The following BRINP2 variants were observed in gnomAD, a reference collection of about 807,000 sequenced individuals.
BRINP2 encodes the protein BMP/retinoic acid-inducible neural-specific protein 2.
In BRINP2, 21 loss-of-function variants were observed where a neutral mutation model predicts 69.2. That is an observed-to-expected ratio of 0.30 (90% CI 0.22 to 0.44). The LOEUF (loss-of-function observed/expected upper bound fraction) is 0.44. BRINP2 is among the 20% of genes least tolerant of loss of function. The pLI is 1.00. For synonymous variants in BRINP2, 380 were observed against 394.1 expected, an observed-to-expected ratio of 0.96 and a Z score of 0.42; for missense variants, 877 against 986.0, an observed-to-expected ratio of 0.89 and a Z score of 1.48.
At chr1:177,212,524 G>A (rs910433302) in intron 1 of BRINP2, among the ~76,000 whole-genome samples, 11 of 151,096 alleles carry the variant, frequency 7.3e-5, no homozygotes, top group Admixed American at 3.3e-4. Flanking sequence ...CAGCCTGGGC[G>A]ACAGAGCAAG....
chr1:177,260,723 T>A (rs1650919038), intron 4 of BRINP2, among the ~76,000 whole-genome samples: 1 of 152,224 alleles, frequency 6.6e-6, no homozygotes, highest in African/African-American at 2.4e-5. Flanking sequence ...TAGCATTTTC[T>A]AGCAATAACA....
chr1:177,263,188 A>G (rs1651012854), intron 4 of BRINP2, among the ~76,000 whole-genome samples: 1 of 152,226 alleles, frequency 6.6e-6, no homozygotes, highest in South Asian at 2.1e-4. Flanking sequence ...AGGTTTGACA[A>G]TTCATTAGGG....
At chr1:177,247,532 A>T (rs1650423418) in intron 2 of BRINP2, among the ~76,000 whole-genome samples, 1 of 152,236 alleles carries the variant, frequency 6.6e-6, no homozygotes, top group Admixed American at 6.5e-5. Context: ...TCCTCTGTTT[A>T]TCTTCATTTT....
intron 4 of BRINP2, among the ~76,000 whole-genome samples, chr1:177,264,461 A>G (rs1423337552): frequency 1.3e-5 from 2 of 152,340 alleles, no homozygotes; most frequent in East Asian, 3.9e-4. Context: ...TGGCCAGGGC[A>G]ATAAGGCAAG....
At chr1:177,232,755 C>G (rs1649901772) in intron 2 of BRINP2, among the ~76,000 whole-genome samples, 1 of 151,530 alleles carries the variant, frequency 6.6e-6, no homozygotes, top group South Asian at 2.1e-4. Flanking sequence ...TCAAATTTCT[C>G]TCCTATAATC....
At chr1:177,204,046 T>C (rs1413797502) in intron 1 of BRINP2, among the ~76,000 whole-genome samples, 1 of 152,206 alleles carries the variant, frequency 6.6e-6, no homozygotes, top group African/African-American at 2.4e-5. Flanking sequence ...ACCAGATCCC[T>C]AGCTTTTTAA....
intron 1 of BRINP2, among the ~76,000 whole-genome samples, chr1:177,195,659 TG>T (rs917506145): frequency 9.3e-5 from 14 of 150,630 alleles, no homozygotes; most frequent in African/African-American, 2.2e-4. Flanking sequence ...CGCTGGCAAG[TG>T]GGGGGGGAAT....
chr1:177,230,073 A>C lies in BRINP2; in HGVS notation c.197A>C (p.His66Pro). ...DWLLTDRGPF[H>P]RAQEYADFME... The stretch of plus-strand genomic sequence containing the variant: ...CTGCTCACAGACCGGGGCCCCTTCC[A>C]CCGCGCTCAGGAGTATGCTGACTTC... Residue 66 changes from histidine (H) to proline (P), a missense_variant, in exon 2 of 8, where the codon CAC becomes CCC. By Grantham distance (77) the His-to-Pro change is moderately conservative. Around this residue, in one of 3 missense-constraint regions of BRINP2, gnomAD observed 566 missense variants for 625.2 expected, o/e 0.91. Coordinates refer to ENST00000361539, the MANE Select transcript of BRINP2 (RefSeq NM_021165.4). 6.2e-7 allele frequency: 1 copy of C among 1,613,788 alleles called. No homozygotes were observed. Among genetic ancestry groups the C allele is most frequent in the South Asian group, 1.1e-5 (1 of 91,054 alleles).
intron 2 of BRINP2, among the ~76,000 whole-genome samples, chr1:177,252,530 T>C (rs1183845916): frequency 1.3e-5 from 2 of 152,166 alleles, no homozygotes; most frequent in Non-Finnish European, 2.9e-5. Flanking sequence ...CAAATCAGGG[T>C]AGTTAGCATA....
At chr1:177,191,420 G>T (rs1298433273) in intron 1 of BRINP2, among the ~76,000 whole-genome samples, 1 of 152,056 alleles carries the variant, frequency 6.6e-6, no homozygotes, top group Non-Finnish European at 1.5e-5. Flanking sequence ...TGGCCTGGCA[G>T]TCCCTCCCTC....
rs75699111 is a variant in BRINP2 at position 177,247,229 on chromosome 1, T to G, written c.270-8690T>G. On this transcript the variant is annotated intron_variant, in intron 2 of 7. Coordinates refer to ENST00000361539, the MANE Select transcript of BRINP2 (RefSeq NM_021165.4). ...AAGACTTCCTGTGTCTGAAATTCTT[T>G]AGGAAAATCAGCAGTGTGAAACTCA... Among the ~76,000 whole-genome samples the G allele has an allele frequency of 7.5e-4, 114 of 152,360 alleles. 5 individuals are homozygous for G. The East Asian group carries it at 0.017, about 22-fold the overall frequency.
intron 1 of BRINP2, among the ~76,000 whole-genome samples, chr1:177,224,341 T>C (rs753356559): frequency 6.6e-6 from 1 of 152,232 alleles, no homozygotes; most frequent in Non-Finnish European, 1.5e-5. Flanking sequence ...AGGCAAAAAT[T>C]CCTGCTTTAT....
intron 1 of BRINP2, among the ~76,000 whole-genome samples, chr1:177,175,115 C>T (rs564217420): frequency 1.3e-5 from 2 of 152,284 alleles, no homozygotes; most frequent in South Asian, 4.1e-4. Context: ...CTGGGGTTTT[C>T]TTAGAGCTGG....
chr1:177,174,644 G>C (rs1010937129), intron 1 of BRINP2, among the ~76,000 whole-genome samples: 48 of 152,176 alleles, frequency 3.2e-4, no homozygotes, highest in Admixed American at 3.1e-3. Flanking sequence ...TGAGGGAAAG[G>C]GTTCTAGCTG....
In BRINP2 at chr1:177,281,046, T is replaced by A. The variant is rs758546554; in HGVS notation, c.1870T>A (p.Cys624Ser). 1 of 1,614,218 alleles carries A rather than the reference T, an allele frequency of 6.2e-7. No individual in the cohort carries two copies. The highest frequency in any genetic ancestry group is 8.5e-7 in the Non-Finnish European group (1 of 1,180,040). Residue 624 changes from cysteine (C) to serine (S), a missense_variant, in exon 8 of 8, where the codon TGC (cysteine) becomes AGC (serine). Physicochemically the swap from Cys to Ser is moderately radical, Grantham distance 112. Transcript: ENST00000361539. ...ERTNVDAAAQ[C>S]QNWTITLGNR... ...GACTAACGTGGATGCAGCTGCCCAG[T>A]GCCAAAACTGGACTATCACCTTGGG...
chr1:177,181,339 G>A (rs1343049267), intron 1 of BRINP2, among the ~76,000 whole-genome samples: 1 of 152,170 alleles, frequency 6.6e-6, no homozygotes, highest in Non-Finnish European at 1.5e-5. Flanking sequence ...CAGAACGAAG[G>A]CAGCGGTCCT....
intron 4 of BRINP2, among the ~76,000 whole-genome samples, chr1:177,263,920 G>A (rs1416279708): frequency 6.6e-6 from 1 of 152,012 alleles, no homozygotes; most frequent in Non-Finnish European, 1.5e-5. Flanking sequence ...CTTCCTGTAC[G>A]TGAACTGCTA....
At chr1:177,194,580 G>A (rs1373928268) in intron 1 of BRINP2, among the ~76,000 whole-genome samples, 1 of 152,198 alleles carries the variant, frequency 6.6e-6, no homozygotes, top group Non-Finnish European at 1.5e-5. Context: ...AAAACCTTGT[G>A]TCTAACCATT....
chr1:177,229,682 G>T (rs6674725), intron 1 of BRINP2, 119 bp from the exon 2 acceptor site: 128,594 of 654,826 alleles, frequency 0.2, 14,329 homozygotes, highest in Non-Finnish European at 0.23. Flanking sequence ...TGCCGAGAAC[G>T]AAGTTATGTT....
Sources: gnomAD v4.1 joint callset for allele counts (sites outside exome capture counted in the v4.1 genomes callset) on GRCh38, gnomAD v4.1.1 for gene constraint, gnomAD v4.1.1 regional missense constraint, MANE v1.5 for transcripts, NCBI Gene and HGNC (gene_info 2026-07-23, HGNC 2026-07-21) for gene names.